ITFG1: variants seen among roughly 807,000 people sequenced by gnomAD.
ITFG1 encodes the protein integrin alpha FG-GAP repeat containing 1.
A neutral mutation model predicts 81.8 loss-of-function variants in ITFG1; 34 were observed. The ratio of observed to expected loss-of-function variants is 0.42; its 90% CI spans 0.32 to 0.55. The LOEUF (loss-of-function observed/expected upper bound fraction) is 0.55. Among genes scored for constraint, ITFG1 ranks in the 20% least tolerant of loss-of-function variants. The pLI, the probability that ITFG1 is intolerant of heterozygous loss-of-function variation, is 0.17. For synonymous variants in ITFG1, 285 were observed against 270.6 expected (o/e 1.05, Z -0.52); for missense variants, 672 against 755.4 (o/e 0.89, Z 1.29).
intron 6 of ITFG1, among the ~76,000 whole-genome samples, chr16:47,419,954 CTTTTT>C (rs75033874): frequency 7.1e-6 from 1 of 141,508 alleles, no homozygotes. Flanking sequence ...TTTATCTTCT[CTTTTT>C]TTTTTTTTTG....
At chr16:47,199,333 G>T (rs1021648594) in intron 14 of ITFG1, among the ~76,000 whole-genome samples, 25 of 151,978 alleles carry the variant, frequency 1.6e-4, no homozygotes, top group African/African-American at 6.0e-4. Flanking sequence ...AGCATGCAGT[G>T]TGTATAAAAT....
intron 2 of ITFG1, among the ~76,000 whole-genome samples, chr16:47,455,356 C>G (rs1969437989): frequency 6.7e-6 from 1 of 149,772 alleles, no homozygotes; most frequent in African/African-American, 2.5e-5. Flanking sequence ...AAGAAAACTT[C>G]AAAATTACAC....
Position 47,420,821 on chromosome 16 carries a change from C to CT in ITFG1, c.655+7982dup, listed in dbSNP as rs200401656. Among the ~76,000 whole-genome samples, 1,141 of 152,254 alleles carry CT rather than the reference C, an allele frequency of 7.5e-3. 19 individuals carry two copies. The highest frequency in any genetic ancestry group is 0.026 in the African/African-American group (1,081 of 41,540). On this transcript the variant is annotated intron_variant, in intron 6 of 17. Transcript: ENST00000320640. The stretch of plus-strand genomic sequence containing the variant: ...GAAGATTTGTGAGCCACCTAAACCC[C>CT]TTTCCATTACAAATTACACAGCTTC...
intron 10 of ITFG1, among the ~76,000 whole-genome samples, chr16:47,269,157 T>C (rs1966309434): frequency 6.6e-6 from 1 of 152,166 alleles, no homozygotes; most frequent in Admixed American, 6.6e-5. Context: ...ATACAGGTTC[T>C]AGCCATTGTA....
At chr16:47,290,358 T>C (rs528598387) in intron 10 of ITFG1, among the ~76,000 whole-genome samples, 1 of 152,212 alleles carries the variant, frequency 6.6e-6, no homozygotes, top group South Asian at 2.1e-4. Flanking sequence ...GAAAGCAATG[T>C]TTTTGTTGGT....
At chr16:47,381,791 G>T (rs1968399332) in intron 6 of ITFG1, among the ~76,000 whole-genome samples, 1 of 152,118 alleles carries the variant, frequency 6.6e-6, no homozygotes, top group Admixed American at 6.5e-5. Flanking sequence ...GACAAACCAG[G>T]TCATGCCAGC....
rs118116323 is a variant in ITFG1 at position 47,260,633 on chromosome 16, C to T, written c.1133G>A (p.Arg378His). ...CTCCCAGTAGACTTTAAACATTCGA[C>T]GCGCCTCTTCACAGCTTGCATTATT... ...PCNNASCEEA[R>H]RMFKVYWELT... Residue 378 changes from arginine to histidine, a missense_variant, in exon 11 of 18, where the codon CGT becomes CAT. By Grantham distance (29) the Arg-to-His change is conservative (BLOSUM62 0). Transcript: ENST00000320640. The T allele has an allele frequency of 2.2e-5, 36 of 1,614,016 alleles. No individual in the cohort carries two copies. The highest frequency in any genetic ancestry group is 3.3e-5 in the Admixed American group (2 of 60,008).
At chr16:47,188,241 G>C (rs1451468113) in intron 14 of ITFG1, among the ~76,000 whole-genome samples, 1 of 152,012 alleles carries the variant, frequency 6.6e-6, no homozygotes, top group Non-Finnish European at 1.5e-5. Context: ...AATACCATTT[G>C]ACCCAGCCGT....
chr16:47,232,637 G>GTTTTTTTT (rs200391263), intron 13 of ITFG1, among the ~76,000 whole-genome samples: 1 of 145,034 alleles, frequency 6.9e-6, no homozygotes. Context: ...ATTTGTTCTT[G>GTTTTTTTT]TTTTTTTTTT....
At chr16:47,332,782 C>T (rs961191401) in intron 8 of ITFG1, among the ~76,000 whole-genome samples, 2 of 152,110 alleles carry the variant, frequency 1.3e-5, no homozygotes, top group Non-Finnish European at 2.9e-5. Flanking sequence ...TAGGAATGGC[C>T]CAGAACCAGG....
chr16:47,171,176 G>A (rs1964956076), intron 14 of ITFG1, among the ~76,000 whole-genome samples: 1 of 151,744 alleles, frequency 6.6e-6, no homozygotes, highest in South Asian at 2.1e-4. Context: ...CACCACACAT[G>A]GCTAATTTTT....
chr16:47,207,597 G>A (rs1429912785), intron 14 of ITFG1, among the ~76,000 whole-genome samples: 4 of 152,226 alleles, frequency 2.6e-5, no homozygotes, highest in Admixed American at 2.6e-4. Context: ...AGGTGTCCCA[G>A]GGAGAGGGGA....
intron 14 of ITFG1, chr16:47,218,189 T>C (rs1473742985): frequency 1.3e-5 from 2 of 152,154 alleles, no homozygotes; most frequent in Non-Finnish European, 2.9e-5. Flanking sequence ...CAACTCTGCT[T>C]ATACTTCTTC....
At chr16:47,379,374 T>G (rs888422134) in intron 6 of ITFG1, among the ~76,000 whole-genome samples, 2 of 152,068 alleles carry the variant, frequency 1.3e-5, no homozygotes, top group Non-Finnish European at 1.5e-5. Flanking sequence ...CCAAAAGTGA[T>G]CTGAGAAAAC....
At chr16:47,222,845 A>AGGTGT (rs1413389011) in intron 13 of ITFG1, among the ~76,000 whole-genome samples, 1 of 152,210 alleles carries the variant, frequency 6.6e-6, no homozygotes, top group South Asian at 2.1e-4. Context: ...ATTTTGGAAT[A>AGGTGT]GGTGTGGTGT....
At chr16:47,428,971 G>GGGCCGGGCGCGGTGGCTCACGCCTGTAAT in intron 5 of ITFG1, 73 bp from the exon 6 acceptor site, 1 of 838,572 alleles carries the variant, frequency 1.2e-6, no homozygotes, top group African/African-American at 1.7e-5. Flanking sequence ...AAAAATCTCT[G>GGGCCGGGCGCGGTGGCTCACGCCTGTAAT]CATGCAAAAC....
intron 12 of ITFG1, among the ~76,000 whole-genome samples, chr16:47,243,264 A>G (rs765099512): frequency 4.6e-5 from 7 of 152,200 alleles, no homozygotes; most frequent in Non-Finnish European, 5.9e-5. Context: ...TATCTTAGAT[A>G]CAAAGTGGTT....
rs143996983 is a variant in ITFG1 at position 47,368,453 on chromosome 16, G to T, written c.721-2584C>A. Among the ~76,000 whole-genome samples, 617 of 149,492 alleles carry T rather than the reference G, an allele frequency of 4.1e-3. 7 individuals carry two copies. Among genetic ancestry groups the T allele is most frequent in the African/African-American group, 0.015 (588 of 40,472 alleles). On this transcript the variant is annotated intron_variant, in intron 7 of 17. Transcript: ENST00000320640. ...ACCTGTAATCCCAGCTACTAGGGAG[G>T]CTGAGGCAGGAGAATCACGTGAACC...
chr16:47,274,888 C>A (rs538053343), intron 10 of ITFG1, among the ~76,000 whole-genome samples: 1 of 152,248 alleles, frequency 6.6e-6, no homozygotes, highest in Admixed American at 6.5e-5. Flanking sequence ...ATGAAAAAGC[C>A]TTTCAGAAAG....
Sources: allele counts gnomAD v4.1 joint callset (sites outside exome capture counted in the v4.1 genomes callset), GRCh38; gene constraint gnomAD v4.1.1; transcripts MANE v1.5; gene names NCBI Gene and HGNC (gene_info 2026-07-23, HGNC 2026-07-21).